The following DPY19L3 variants were observed in gnomAD, a reference collection of about 807,000 sequenced individuals.
DPY19L3 encodes the protein protein C-mannosyl-transferase DPY19L3.
Under a neutral mutation model 92.3 loss-of-function variants are expected in DPY19L3, and 51 were observed. The observed-to-expected ratio is 0.55, with a 90% CI of 0.44 to 0.70. DPY19L3 has a LOEUF of 0.70. DPY19L3 is among the 30% of genes least tolerant of loss of function. The probability of loss-of-function intolerance (pLI) is 0.00; values close to 1 mark genes in which losing one functional copy is unlikely to be tolerated. For synonymous variants in DPY19L3, 309 were observed against 315.2 expected (o/e 0.98, Z 0.21); for missense variants, 706 against 855.9 (o/e 0.82, Z 2.18).
intron 3 of DPY19L3, chr19:32,412,751 G>C (rs1312500797): frequency 1.3e-5 from 2 of 152,110 alleles, no homozygotes; most frequent in African/African-American, 4.8e-5. Context: ...CCAACATGGT[G>C]GAACCCTATC....
At chr19:32,463,546 G>T (rs769481408) in intron 13 of DPY19L3, 58 bp downstream of exon 13, 26 of 1,549,680 alleles carry the variant, frequency 1.7e-5, no homozygotes, top group African/African-American at 2.8e-5. Flanking sequence ...ATGTTACTTA[G>T]CAATATAATT....
intron 3 of DPY19L3, among the ~76,000 whole-genome samples, chr19:32,428,278 C>T (rs1475982278): frequency 6.6e-6 from 1 of 151,970 alleles, no homozygotes; most frequent in African/African-American, 2.4e-5. Flanking sequence ...GGCCTGTAAA[C>T]AGAACTTTTT....
chr19:32,453,281 G>T lies in DPY19L3; in HGVS notation c.987+5G>T, dbSNP rs747657838. On this transcript the variant is annotated splice_donor_5th_base_variant and intron_variant, in intron 9 of 18. Transcript: ENST00000392250. ...TTCATTGCAAGAAAACTTCAGGTAG[G>T]ACTTTTTTTTTGTCCTTTATCAAAG... is the stretch of plus-strand genomic sequence containing the variant. The T allele has an allele frequency of 4.1e-5, 65 of 1,594,348 alleles. No individual in the cohort carries two copies. Among genetic ancestry groups the T allele is most frequent in the Non-Finnish European group, 5.4e-5 (63 of 1,174,806 alleles).
At chr19:32,460,245 A>G (rs778541275) in intron 12 of DPY19L3, among the ~76,000 whole-genome samples, 4 of 152,106 alleles carry the variant, frequency 2.6e-5, no homozygotes, top group Non-Finnish European at 5.9e-5. Flanking sequence ...TACGGAAAAA[A>G]AAAAGAAAAA....
chr19:32,451,103 A>C (rs990617933), intron 8 of DPY19L3, among the ~76,000 whole-genome samples: 8 of 152,202 alleles, frequency 5.3e-5, no homozygotes, highest in Non-Finnish European at 1.2e-4. Flanking sequence ...AAAAATTTTT[A>C]AAGAGATGTT....
intron 3 of DPY19L3, among the ~76,000 whole-genome samples, chr19:32,416,360 G>T (rs1360498356): frequency 6.6e-6 from 1 of 152,178 alleles, no homozygotes; most frequent in Non-Finnish European, 1.5e-5. Flanking sequence ...AGAGCTGGAG[G>T]ATCAGTAAGT....
At chr19:32,455,809 G>A (rs2145570489) in intron 10 of DPY19L3, among the ~76,000 whole-genome samples, 1 of 152,224 alleles carries the variant, frequency 6.6e-6, no homozygotes, top group East Asian at 1.9e-4. Context: ...CTTTTTAAAT[G>A]TTTTTATTGG....
chr19:32,475,899 C>G (rs1970493549), intron 16 of DPY19L3, among the ~76,000 whole-genome samples: 1 of 152,180 alleles, frequency 6.6e-6, no homozygotes, highest in South Asian at 2.1e-4. Flanking sequence ...CTGCTGGAAT[C>G]TGCATTCTAG....
At chr19:32,435,555 A>G (rs1419788605) in intron 4 of DPY19L3, among the ~76,000 whole-genome samples, 1 of 152,236 alleles carries the variant, frequency 6.6e-6, no homozygotes, top group Non-Finnish European at 1.5e-5. Context: ...CTCCATAGAG[A>G]TGACACCATT....
chr19:32,448,924 T>A (rs1478964431), intron 8 of DPY19L3, among the ~76,000 whole-genome samples: 1 of 152,240 alleles, frequency 6.6e-6, no homozygotes, highest in Non-Finnish European at 1.5e-5. Flanking sequence ...CAATTTTTCT[T>A]TTGAATGTAT....
At position 32,482,529 on chromosome 19, in the gene DPY19L3, A is replaced by G. The variant is rs879609692; in HGVS notation, c.*289A>G. ...TGTTGGAGAGAATGATGTGTGTTCC[A>G]TGGATACCTGGATAGGCACATAACA... On this transcript the variant is annotated 3_prime_UTR_variant, in exon 19 of 19. Coordinates refer to ENST00000392250, the MANE Select transcript of DPY19L3 (RefSeq NM_001172774.2). 1.0e-4 allele frequency: 29 copies of G among 285,448 alleles called. No homozygotes were observed. Among genetic ancestry groups the G allele is most frequent in the Admixed American group, 1.0e-3 (20 of 20,086 alleles). The allele number at this position is 285,448 out of a possible 1,614,324, so 17.7% of individuals were successfully genotyped here.
chr19:32,454,201 A>C (rs1969793278), intron 9 of DPY19L3, among the ~76,000 whole-genome samples: 1 of 152,208 alleles, frequency 6.6e-6, no homozygotes, highest in Admixed American at 6.5e-5. Context: ...CAAAAGGCAC[A>C]ATGTACTTCT....
chr19:32,447,177 G>A (rs1969527511), intron 8 of DPY19L3, among the ~76,000 whole-genome samples: 3 of 152,104 alleles, frequency 2.0e-5, no homozygotes, highest in South Asian at 4.1e-4. Flanking sequence ...GAGGAACCTC[G>A]GAGAGCATTG....
rs1282306976 is a variant in DPY19L3 at position 32,483,820 on chromosome 19, G to T, written c.*1580G>T. 2.0e-5 allele frequency: 3 copies of T among 152,504 alleles called. 1 individual carries two copies. Among genetic ancestry groups the T allele is most frequent in the Non-Finnish European group, 4.4e-5 (3 of 68,020 alleles). The allele number at this position is 152,504 out of a possible 1,614,324, so 9.4% of individuals were successfully genotyped here. A position where few individuals can be genotyped will look rare whatever the true frequency, so the allele number is the denominator to read the frequency against. ...GTTTAGGATAATACAATAATAAAAC[G>T]TTTTAATCAGTACTAAAACTTTAAT... On this transcript the variant is annotated 3_prime_UTR_variant, in exon 19 of 19. Coordinates refer to ENST00000392250, the MANE Select transcript of DPY19L3 (RefSeq NM_001172774.2).
chr19:32,471,314 T>A (rs1970351262), intron 16 of DPY19L3, among the ~76,000 whole-genome samples: 1 of 152,226 alleles, frequency 6.6e-6, no homozygotes, highest in African/African-American at 2.4e-5. Context: ...CCCCAGCCTG[T>A]CTTCCTGTCT....
intron 15 of DPY19L3, 158 bp from the exon 16 acceptor site, chr19:32,468,573 G>T: frequency 7.6e-7 from 1 of 1,320,770 alleles, no homozygotes; most frequent in Non-Finnish European, 9.7e-7. Flanking sequence ...CTTGTATTAG[G>T]AGGGTTGCTG....
At chr19:32,409,615 A>G (rs1293686876) in intron 2 of DPY19L3, among the ~76,000 whole-genome samples, 3 of 152,346 alleles carry the variant, frequency 2.0e-5, no homozygotes, top group East Asian at 3.9e-4. Context: ...TGCAGACTGT[A>G]TGAGAAGCAT....
intron 2 of DPY19L3, among the ~76,000 whole-genome samples, chr19:32,409,921 C>A (rs1362001761): frequency 6.6e-6 from 1 of 152,128 alleles, no homozygotes; most frequent in South Asian, 2.1e-4. Context: ...TTTGGAGGGG[C>A]CGAATAGTCA....
chr19:32,438,963 A>G (rs1336115392), intron 6 of DPY19L3, 149 bp from the exon 7 acceptor site: 1 of 773,812 alleles, frequency 1.3e-6, no homozygotes, highest in Non-Finnish European at 2.1e-6. Flanking sequence ...GATGATGATG[A>G]TGATGATGAT....
Sources: allele counts gnomAD v4.1 joint callset (sites outside exome capture counted in the v4.1 genomes callset), GRCh38; gene constraint gnomAD v4.1.1; transcripts MANE v1.5; gene names NCBI Gene and HGNC (gene_info 2026-07-23, HGNC 2026-07-21).